ARB2A: variants seen among roughly 807,000 people sequenced by gnomAD.
The protein encoded by ARB2A is cotranscriptional regulator ARB2A.
chr5:93,628,278 T>C, the ARB2A span, among the ~76,000 whole-genome samples: 6 of 151,836 alleles, frequency 4.0e-5, no homozygotes. Flanking sequence ...CTCGATCTCT[T>C]GACTTCATGA....
chr5:93,916,257 C>G, the ARB2A span, among the ~76,000 whole-genome samples: 1 of 152,024 alleles, frequency 6.6e-6, no homozygotes, highest in African/African-American at 2.4e-5. Context: ...AAACTGTCAA[C>G]CCGAAGAATT....
At chr5:94,049,128 C>T in the ARB2A span, among the ~76,000 whole-genome samples, 1 of 152,240 alleles carries the variant, frequency 6.6e-6, no homozygotes, top group South Asian at 2.1e-4. Flanking sequence ...TATGTGTCCA[C>T]ATGCATTTTT....
chr5:93,824,079 A>G, the ARB2A span: 5 of 1,330,314 alleles, frequency 3.8e-6, no homozygotes, highest in Non-Finnish European at 4.9e-6. Context: ...ATTGATACCA[A>G]CAGAAAGAAA....
chr5:94,085,839 G>C, the ARB2A span, among the ~76,000 whole-genome samples: 1 of 152,148 alleles, frequency 6.6e-6, no homozygotes, highest in Non-Finnish European at 1.5e-5. Context: ...CAAAAACGTA[G>C]ATGAATTTTC....
the ARB2A span, among the ~76,000 whole-genome samples, chr5:93,901,153 A>G: frequency 6.6e-6 from 1 of 152,216 alleles, no homozygotes; most frequent in Admixed American, 6.5e-5. Flanking sequence ...ATCCGCAACC[A>G]CATTTGAAAA....
chr5:93,940,670 T>G, the ARB2A span, among the ~76,000 whole-genome samples: 11 of 152,210 alleles, frequency 7.2e-5, no homozygotes, highest in South Asian at 2.3e-3. Context: ...TTATTTACTC[T>G]TAAGTTCACA....
At chr5:93,639,101 T>C in the ARB2A span, among the ~76,000 whole-genome samples, 1 of 152,162 alleles carries the variant, frequency 6.6e-6, no homozygotes, top group Non-Finnish European at 1.5e-5. Context: ...ATAAAGTCAA[T>C]TATTATGAAC....
the ARB2A span, among the ~76,000 whole-genome samples, chr5:93,929,358 T>C: frequency 2.6e-5 from 4 of 152,222 alleles, no homozygotes; most frequent in East Asian, 1.9e-4. Context: ...TATATGGTAG[T>C]TGTATCTGAC....
chr5:93,921,208 G>A, the ARB2A span, among the ~76,000 whole-genome samples: 1 of 149,762 alleles, frequency 6.7e-6, no homozygotes, highest in Non-Finnish European at 1.5e-5. Context: ...CTACAGCTGT[G>A]CCAGCAGGTG....
chr5:93,937,755 C>T, the ARB2A span, among the ~76,000 whole-genome samples: 2 of 152,070 alleles, frequency 1.3e-5, no homozygotes, highest in African/African-American at 4.8e-5. Context: ...CCAATGGATG[C>T]TCAAGTGCCT....
the ARB2A span, chr5:93,861,306 T>C: frequency 2.2e-5 from 2 of 90,446 alleles, no homozygotes; most frequent in Non-Finnish European, 4.0e-5. Context: ...TACTCTTTTT[T>C]TCTTTTTTTT....
chr5:93,686,777 C>T, the ARB2A span, among the ~76,000 whole-genome samples: 2 of 152,108 alleles, frequency 1.3e-5, no homozygotes, highest in South Asian at 4.1e-4. Context: ...TCAACCACAA[C>T]TCAGCCCTCA....
At chr5:94,079,615 C>A in the ARB2A span, among the ~76,000 whole-genome samples, 1 of 152,140 alleles carries the variant, frequency 6.6e-6, no homozygotes, top group African/African-American at 2.4e-5. Flanking sequence ...AAAATTCACA[C>A]CTACTGTTAT....
At chr5:93,955,987 C>A in the ARB2A span, among the ~76,000 whole-genome samples, 1 of 152,232 alleles carries the variant, frequency 6.6e-6, no homozygotes, top group Non-Finnish European at 1.5e-5. Flanking sequence ...TAAAGCTGCA[C>A]AATCAGAGGC....
the ARB2A span, among the ~76,000 whole-genome samples, chr5:94,092,627 G>C: frequency 6.6e-6 from 1 of 151,958 alleles, no homozygotes; most frequent in Non-Finnish European, 1.5e-5. Flanking sequence ...TTAATTAAAT[G>C]CTTATAATTC....
At chr5:93,911,708 C>T in the ARB2A span, among the ~76,000 whole-genome samples, 3 of 151,056 alleles carry the variant, frequency 2.0e-5, no homozygotes, top group Non-Finnish European at 3.0e-5. Flanking sequence ...CTTTTTAATC[C>T]GTGTCTGAGA....
the ARB2A span, chr5:93,959,029 G>C: frequency 8.7e-7 from 1 of 1,149,932 alleles, no homozygotes; most frequent in Non-Finnish European, 1.2e-6. Context: ...ACACATAAAT[G>C]AAAAAACAAC....
the ARB2A span, among the ~76,000 whole-genome samples, chr5:93,710,455 C>A: frequency 6.6e-6 from 1 of 152,122 alleles, no homozygotes; most frequent in Non-Finnish European, 1.5e-5. Flanking sequence ...ATGACTGAAT[C>A]ATGTAGTAAG....
the ARB2A span, among the ~76,000 whole-genome samples, chr5:94,058,689 A>G: frequency 6.6e-6 from 1 of 152,240 alleles, no homozygotes; most frequent in South Asian, 2.1e-4. Flanking sequence ...AAAAATGAAG[A>G]AAGTATTATT....
Sources: allele counts gnomAD v4.1 joint callset (sites outside exome capture counted in the v4.1 genomes callset), GRCh38; gene constraint gnomAD v4.1.1; transcripts MANE v1.5; gene names NCBI Gene and HGNC (gene_info 2026-07-23, HGNC 2026-07-21).